Variants in MDGA2 observed in about 807,000 individuals in gnomAD.
MDGA2 encodes the protein MAM domain containing glycosylphosphatidylinositol anchor 2, also known as MAM domain-containing glycosylphosphatidylinositol anchor protein 2.
Under a neutral mutation model 117.8 loss-of-function variants are expected in MDGA2, and 40 were observed. The ratio of observed to expected loss-of-function variants is 0.34; its 90% confidence interval spans 0.26 to 0.44. The LOEUF (loss-of-function observed/expected upper bound fraction) is 0.44. Ranked by LOEUF, MDGA2 falls within the 20% of genes least tolerant of loss-of-function variation. The probability of loss-of-function intolerance (pLI) is 1.00; values close to 1 mark genes in which losing one functional copy is unlikely to be tolerated. For missense variants in MDGA2, 1,123 were observed against 1,250.6 expected (o/e 0.90, Z 1.54); for synonymous variants, 452 against 439.0 (o/e 1.03, Z -0.37).
chr14:46,944,131 C>A (rs539647933), intron 9 of MDGA2, among the ~76,000 whole-genome samples: 60 of 151,910 alleles, frequency 3.9e-4, no homozygotes, highest in Non-Finnish European at 8.4e-4. Context: ...ATAAAGATCA[C>A]CGTTTAGCAT....
At chr14:47,653,074 CCAG>C (rs1897674291) in intron 1 of MDGA2, among the ~76,000 whole-genome samples, 1 of 108,916 alleles carries the variant, frequency 9.2e-6, no homozygotes. Context: ...GAGTGCTATC[CCAG>C]TAGAACCTCA....
chr14:47,559,955 G>A (rs943909519), intron 1 of MDGA2, among the ~76,000 whole-genome samples: 1 of 152,156 alleles, frequency 6.6e-6, no homozygotes, highest in Non-Finnish European at 1.5e-5. Context: ...GCACGTCTAA[G>A]TTCTTTGAAA....
chr14:47,543,674 C>A (rs180871585), intron 1 of MDGA2, among the ~76,000 whole-genome samples: 5 of 152,286 alleles, frequency 3.3e-5, no homozygotes, highest in South Asian at 2.1e-4. Flanking sequence ...CACTCATGCA[C>A]CCTGCTAGAG....
chr14:47,454,127 A>G (rs1199070146), intron 1 of MDGA2, among the ~76,000 whole-genome samples: 2 of 152,188 alleles, frequency 1.3e-5, no homozygotes, highest in Non-Finnish European at 2.9e-5. Context: ...AGGGAGGTTT[A>G]GCTTAATAAA....
chr14:47,141,799 T>C (rs1882730347), intron 4 of MDGA2, among the ~76,000 whole-genome samples: 1 of 152,212 alleles, frequency 6.6e-6, no homozygotes, highest in African/African-American at 2.4e-5. Flanking sequence ...TCTAGTGTTC[T>C]ATTGCAGAAT....
At chr14:47,253,680 A>G (rs991273998) in intron 2 of MDGA2, among the ~76,000 whole-genome samples, 4 of 152,114 alleles carry the variant, frequency 2.6e-5, no homozygotes, top group Non-Finnish European at 5.9e-5. Flanking sequence ...CTGTTGGTGA[A>G]TCTACCATTC....
chr14:47,605,759 G>C (rs192288183), intron 1 of MDGA2, among the ~76,000 whole-genome samples: 1 of 152,052 alleles, frequency 6.6e-6, no homozygotes, highest in Non-Finnish European at 1.5e-5. Flanking sequence ...AGGCAAATTT[G>C]ATTTTACAGT....
chr14:47,276,950 C>T (rs1888328850), intron 2 of MDGA2, among the ~76,000 whole-genome samples: 1 of 152,108 alleles, frequency 6.6e-6, no homozygotes, highest in Non-Finnish European at 1.5e-5. Context: ...AGTACAAAGT[C>T]AGAAATCCAA....
chr14:47,251,633 T>A (rs1291373228), intron 2 of MDGA2, among the ~76,000 whole-genome samples: 2 of 152,138 alleles, frequency 1.3e-5, no homozygotes, highest in Non-Finnish European at 2.9e-5. Flanking sequence ...CACAAATAAA[T>A]ATCACTTGTT....
chr14:47,318,964 G>T (rs908882259), intron 1 of MDGA2, among the ~76,000 whole-genome samples: 2 of 152,092 alleles, frequency 1.3e-5, no homozygotes, highest in Non-Finnish European at 2.9e-5. Context: ...ACTAATTCAG[G>T]TCAATATCTC....
intron 1 of MDGA2, among the ~76,000 whole-genome samples, chr14:47,594,263 A>G (rs1896495501): frequency 6.6e-6 from 1 of 152,196 alleles, no homozygotes; most frequent in African/African-American, 2.4e-5. Context: ...GTTTGTTAGA[A>G]CATGGTGAGG....
intron 1 of MDGA2, among the ~76,000 whole-genome samples, chr14:47,584,013 A>C (rs1956137912): frequency 6.6e-6 from 1 of 151,778 alleles, no homozygotes; most frequent in African/African-American, 2.4e-5. Context: ...ACGGTCACAA[A>C]GTGTCTGGTA....
At chr14:46,925,133 A>C (rs890991984) in intron 9 of MDGA2, among the ~76,000 whole-genome samples, 3 of 152,178 alleles carry the variant, frequency 2.0e-5, no homozygotes, top group African/African-American at 7.2e-5. Context: ...GACTTTTGAT[A>C]CTGCTGGAGT....
At chr14:47,258,870 G>T (rs1425384596) in intron 2 of MDGA2, among the ~76,000 whole-genome samples, 1 of 151,274 alleles carries the variant, frequency 6.6e-6, no homozygotes, top group Non-Finnish European at 1.5e-5. Flanking sequence ...ATAAGAATAT[G>T]GAAATTTTAA....
chr14:47,163,159 G>A (rs552022213), intron 3 of MDGA2, among the ~76,000 whole-genome samples: 27 of 152,278 alleles, frequency 1.8e-4, no homozygotes, highest in African/African-American at 6.5e-4. Context: ...GGAAGACAAA[G>A]TCATCCCTGC....
At chr14:47,369,369 T>C (rs1370788421) in intron 1 of MDGA2, among the ~76,000 whole-genome samples, 3 of 152,146 alleles carry the variant, frequency 2.0e-5, no homozygotes, top group Non-Finnish European at 4.4e-5. Context: ...TCCACTTCTC[T>C]GAAAACTTCC....
At chr14:47,095,357 A>G (rs1337300075) in intron 6 of MDGA2, among the ~76,000 whole-genome samples, 2 of 152,006 alleles carry the variant, frequency 1.3e-5, no homozygotes, top group African/African-American at 2.4e-5. Context: ...CAAGAACAAT[A>G]TCGTATAGAA....
At chr14:47,278,749 T>C (rs533105620) in intron 2 of MDGA2, among the ~76,000 whole-genome samples, 303 of 152,250 alleles carry the variant, frequency 2.0e-3, no homozygotes, top group Non-Finnish European at 3.8e-3. Flanking sequence ...AAACAAGAAA[T>C]GTATATAATA....
chr14:47,192,063 T>C (rs1885132228), intron 3 of MDGA2, among the ~76,000 whole-genome samples: 1 of 152,152 alleles, frequency 6.6e-6, no homozygotes, highest in East Asian at 1.9e-4. Flanking sequence ...TGTGCTCAAG[T>C]GCAGACAATA....
Sources: gnomAD v4.1 joint callset for allele counts (sites outside exome capture counted in the v4.1 genomes callset) on GRCh38, gnomAD v4.1.1 for gene constraint, MANE v1.5 for transcripts, NCBI Gene and HGNC (gene_info 2026-07-23, HGNC 2026-07-21) for gene names.